The following LRP2BP variants were observed in gnomAD, a reference collection of about 807,000 sequenced individuals.
The protein encoded by LRP2BP is LRP2 binding protein.
A neutral mutation model predicts 45.2 loss-of-function variants in LRP2BP; 38 were observed. That is an observed-to-expected ratio of 0.84 (90% CI 0.65 to 1.10). LRP2BP has a LOEUF of 1.10. LRP2BP is among the 50% of genes least tolerant of loss of function. LRP2BP has a pLI of 0.00. For missense variants in LRP2BP, 385 were observed against 418.9 expected, an observed-to-expected ratio of 0.92 and a Z score of 0.71; for synonymous variants, 153 against 153.9, an observed-to-expected ratio of 0.99 and a Z score of 0.04.
At chr4:185,387,453 G>A (rs1037550809) in intron 1 of LRP2BP, among the ~76,000 whole-genome samples, 1 of 152,172 alleles carries the variant, frequency 6.6e-6, no homozygotes, top group African/African-American at 2.4e-5. Flanking sequence ...TTGTGTTTCT[G>A]CAGTAAAATA....
chr4:185,380,615 A>G (rs2095453194), intron 1 of LRP2BP, among the ~76,000 whole-genome samples: 1 of 152,144 alleles, frequency 6.6e-6, no homozygotes, highest in Non-Finnish European at 1.5e-5. Context: ...CTAATCCAAC[A>G]TGACTTCCTC....
In LRP2BP at chr4:185,383,935, C is replaced by T. The variant is rs568792133; in HGVS notation, c.-21-5728G>A. Among the ~76,000 whole-genome samples the T allele has an allele frequency of 1.5e-4, 23 of 152,306 alleles. 1 individual carries two copies. The South Asian group carries it at 4.1e-3, about 27-fold the overall frequency. ...TGGGCGTGGATTTCTTCAGATTCCA[C>T]CTGTGCCTTTGTTGTTGTTGCTAAT... On this transcript the variant is annotated intron_variant, in intron 1 of 8. Coordinates refer to ENST00000505916, the MANE Select transcript of LRP2BP (RefSeq NM_001377440.1).
At chr4:185,386,354 G>GTT (rs2095471835) in intron 1 of LRP2BP, among the ~76,000 whole-genome samples, 1 of 152,180 alleles carries the variant, frequency 6.6e-6, no homozygotes, top group Non-Finnish European at 1.5e-5. Flanking sequence ...ACTGGGCAAG[G>GTT]AATGCTCATT....
chr4:185,378,297 G>A (rs2126813166), intron 1 of LRP2BP, 90 bp from the exon 2 acceptor site: 8 of 1,512,730 alleles, frequency 5.3e-6, no homozygotes, highest in South Asian at 1.3e-5. Context: ...TGCTCATTAG[G>A]AAAAGCATCC....
chr4:185,396,530 A>T (rs1197915784), upstream of LRP2BP: 3 of 224,198 alleles, frequency 1.3e-5, no homozygotes, highest in African/African-American at 4.7e-5. Context: ...TCTCACGCCC[A>T]CTGACTTACC....
At chr4:185,378,573 A>T in intron 1 of LRP2BP, 1 of 1,007,720 alleles carries the variant, frequency 9.9e-7, no homozygotes, top group Non-Finnish European at 1.2e-6. Flanking sequence ...CTGCACTGGT[A>T]CCTTCTCTGC....
chr4:185,378,077 G>T lies in LRP2BP; in HGVS notation c.106+4C>A, dbSNP rs200809915. 6.3e-4 allele frequency: 1,015 copies of T among 1,607,924 alleles called. 17 individuals are homozygous for T. The highest frequency in any genetic ancestry group is 4.9e-4 in the Middle Eastern group (3 of 6,064). ...AAGGGAAGCTTAAATATCAGGATTTGTACCAGTCTTTTCCTTTTTCCACTG... is the reference window on the plus strand; with the variant it reads ...AAGGGAAGCTTAAATATCAGGATTTTTACCAGTCTTTTCCTTTTTCCACTG... On this transcript the variant is annotated splice_donor_region_variant and intron_variant, in intron 2 of 8. Coordinates refer to ENST00000505916, the MANE Select transcript of LRP2BP (RefSeq NM_001377440.1).
intron 4 of LRP2BP, among the ~76,000 whole-genome samples, chr4:185,374,964 C>T (rs148129862): frequency 7.9e-5 from 12 of 152,178 alleles, no homozygotes; most frequent in South Asian, 2.1e-4. Flanking sequence ...TGCACTAATA[C>T]GACATCTGCT....
In LRP2BP at chr4:185,375,618, C is replaced by A. The variant is rs2095434878; in HGVS notation, c.325G>T (p.Asp109Tyr). Residue 109 changes from aspartate (D) to tyrosine (Y), a missense_variant, in exon 4 of 9, where the codon GAC becomes TAC. Physicochemically the swap from Asp to Tyr is radical, Grantham distance 160. Coordinates refer to ENST00000505916, the MANE Select transcript of LRP2BP (RefSeq NM_001377440.1). ...MYYDGLGTTL[D>Y]AEKGVDYMKK... ...TGACCAAGACATTAACTTACAGCGT[C>A]TAGAGTGGTCCCCAGCCCATCATAG... 2 of 1,597,856 alleles carry A rather than the reference C, an allele frequency of 1.3e-6. No individual in the cohort carries two copies. The highest frequency in any genetic ancestry group is 1.4e-5 in the African/African-American group (1 of 73,518).
chr4:185,385,331 T>TA (rs2095468039), intron 1 of LRP2BP, among the ~76,000 whole-genome samples: 1 of 152,066 alleles, frequency 6.6e-6, no homozygotes, highest in South Asian at 2.1e-4. Flanking sequence ...GGTCAGCTAG[T>TA]AAAATACATG....
rs999716731 is a variant in LRP2BP at position 185,376,378 on chromosome 4, A to T, written c.216+531T>A. On this transcript the variant is annotated intron_variant, in intron 3 of 8. Transcript: ENST00000505916. Reference sequence around the variant, plus strand: ...CTGCAACCTCTGCCTCCTGGGTTCAAGCGATTCTCTGCCTCAGCCTCCCAA... The same window carrying T: ...CTGCAACCTCTGCCTCCTGGGTTCATGCGATTCTCTGCCTCAGCCTCCCAA... Among the ~76,000 whole-genome samples, 5 of 151,968 alleles carry T rather than the reference A, an allele frequency of 3.3e-5. No individual in the cohort carries two copies. The South Asian group carries it at 1.0e-3, about 32-fold the overall frequency.
At chr4:185,396,793 C>A, upstream of LRP2BP, 1 of 1,008,894 alleles carries the variant, frequency 9.9e-7, no homozygotes, top group Non-Finnish European at 1.5e-6. Flanking sequence ...CAAGGGCCGG[C>A]CCGGAAGTCC....
At chr4:185,371,380 A>C (rs913061861) in intron 7 of LRP2BP, among the ~76,000 whole-genome samples, 1 of 149,074 alleles carries the variant, frequency 6.7e-6, no homozygotes, top group African/African-American at 2.6e-5. Context: ...TCTACTAAAA[A>C]AGATACAAAA....
intron 1 of LRP2BP, among the ~76,000 whole-genome samples, chr4:185,379,611 T>C (rs1430400995): frequency 1.3e-5 from 2 of 152,220 alleles, no homozygotes; most frequent in Admixed American, 6.5e-5. Context: ...TGAGCTCTTA[T>C]TAAATGCCAA....
intron 3 of LRP2BP, 52 bp downstream of exon 3, chr4:185,376,857 G>T: frequency 3.8e-6 from 5 of 1,319,998 alleles, no homozygotes; most frequent in Non-Finnish European, 5.4e-6. Context: ...TTTGTCTGAG[G>T]ATCTAACAAC....
At position 185,376,928 on chromosome 4, in the gene LRP2BP, C is replaced by A. The variant is rs1561083377; in HGVS notation, c.197G>T (p.Gly66Val). ...KGDTLAYFLR[G>V]QLYFEEGWYE... ...TGATACCTCTTCAAAATATAGTTGA[C>A]CTCGTAGGAAATATGCCAGAGTGTC... The change falls in exon 3 of 9, where the codon GGT becomes GTT. Residue 66 changes from glycine (G) to valine (V), a missense_variant. Physicochemically the swap from Gly to Val is moderately radical, Grantham distance 109 (BLOSUM62 -3). Transcript: ENST00000505916. 4 of 1,612,598 alleles carry A rather than the reference C, an allele frequency of 2.5e-6. No homozygotes were observed. Among genetic ancestry groups the A allele is most frequent in the Non-Finnish European group, 3.4e-6 (4 of 1,178,702 alleles).
chr4:185,367,563 C>T (rs2095393781), intron 8 of LRP2BP, among the ~76,000 whole-genome samples: 1 of 152,072 alleles, frequency 6.6e-6, no homozygotes, highest in Non-Finnish European at 1.5e-5. Flanking sequence ...TAACATTTGG[C>T]CTCAAAGTTG....
rs3841656 is a variant in LRP2BP, at chr4:185,365,018, ATG to A, written c.*2160_*2161del. ...TTAGAGAAGGAGTGTGTGTGTGTGT[ATG>A]TGTGTGTGTGTGTGTGTGTGTAAGA... On this transcript the variant is annotated 3_prime_UTR_variant, in exon 9 of 9. Transcript: ENST00000505916. The A allele has an allele frequency of 0.28, 42,139 of 148,712 alleles. 6,863 individuals are homozygous for A. Among genetic ancestry groups the A allele is most frequent in the African/African-American group, 0.47 (18,968 of 40,694 alleles). 9.2% of individuals were successfully genotyped at this position (148,712 alleles called of 1,614,324 possible).
intron 1 of LRP2BP, chr4:185,390,465 G>A (rs1391390675): frequency 3.3e-5 from 5 of 151,720 alleles, no homozygotes; most frequent in Non-Finnish European, 7.3e-5. Flanking sequence ...GTTACAGTGA[G>A]CTGAGATGGT....
Sources: gnomAD v4.1 joint callset for allele counts (sites outside exome capture counted in the v4.1 genomes callset) on GRCh38, gnomAD v4.1.1 for gene constraint, MANE v1.5 for transcripts, NCBI Gene and HGNC (gene_info 2026-07-23, HGNC 2026-07-21) for gene names.